The following EDIL3 variants were observed in gnomAD, a reference collection of about 807,000 sequenced individuals.
The protein encoded by EDIL3 is EGF-like repeat and discoidin I-like domain-containing protein 3.
EDIL3 carries 37 observed loss-of-function variants against 67.4 expected under a neutral mutation model. The observed-to-expected ratio is 0.55, with a 90% CI of 0.42 to 0.72. EDIL3 has a LOEUF of 0.72. Among genes scored for constraint, EDIL3 ranks in the 30% least tolerant of loss-of-function variants. EDIL3 has a pLI of 0.00. For missense variants in EDIL3, 527 were observed against 586.3 expected, an observed-to-expected ratio of 0.90 and a Z score of 1.04; for synonymous variants, 195 against 196.3, an observed-to-expected ratio of 0.99 and a Z score of 0.05.
intron 5 of EDIL3, among the ~76,000 whole-genome samples, chr5:84,129,502 G>A (rs555381040): frequency 1.3e-5 from 2 of 151,978 alleles, no homozygotes; most frequent in African/African-American, 4.8e-5. Flanking sequence ...AAAGGTATCA[G>A]CCTGAGGCAA....
At chr5:84,089,938 G>A (rs988924323) in intron 6 of EDIL3, among the ~76,000 whole-genome samples, 2 of 152,050 alleles carry the variant, frequency 1.3e-5, no homozygotes, top group Non-Finnish European at 2.9e-5. Flanking sequence ...ATGGATTTTC[G>A]ATGTTTTCAT....
Position 84,338,578 on chromosome 5 carries a change from T to C in EDIL3, c.67+45730A>G, listed in dbSNP as rs149083136. 2.0e-5 allele frequency among the ~76,000 whole-genome samples: 3 copies of C among 152,248 alleles called. No individual in the cohort carries two copies. The East Asian group carries it at 5.8e-4, about 29-fold the overall frequency. ...TTGAAGCTAGTACTGCCTTGGGACTTTAACTAGGAACTAACATGCTGTCAC... is the reference window on the plus strand; with the variant it reads ...TTGAAGCTAGTACTGCCTTGGGACTCTAACTAGGAACTAACATGCTGTCAC... On this transcript the variant is annotated intron_variant, in intron 1 of 10. Coordinates refer to ENST00000296591, the MANE Select transcript of EDIL3 (RefSeq NM_005711.5).
intron 1 of EDIL3, among the ~76,000 whole-genome samples, chr5:84,319,491 C>A (rs201284875): frequency 0.023 from 91 of 3,900 alleles, no homozygotes; most frequent in Non-Finnish European, 0.038. Flanking sequence ...AAACAAAAAA[C>A]AACAAAAAAA....
chr5:84,332,569 A>C (rs1746895145), intron 1 of EDIL3, among the ~76,000 whole-genome samples: 1 of 152,202 alleles, frequency 6.6e-6, no homozygotes, highest in Admixed American at 6.5e-5. Flanking sequence ...AGGTATGCAG[A>C]AGACATGTCA....
chr5:84,001,060 T>C (rs1176510068), intron 9 of EDIL3, among the ~76,000 whole-genome samples: 1 of 151,504 alleles, frequency 6.6e-6, no homozygotes, highest in African/African-American at 2.4e-5. Context: ...TTTTTATTTA[T>C]TTATTTTTGA....
chr5:84,137,236 C>A lies in EDIL3; in HGVS notation c.469+5G>T. On this transcript the variant is annotated splice_donor_5th_base_variant and intron_variant, in intron 5 of 10. Transcript: ENST00000296591. Reference sequence around the variant, plus strand: ...ACACACACATACACACACGTGAATACTTACTGTATTGACAATTTCTTCCCA... The same window carrying A: ...ACACACACATACACACACGTGAATAATTACTGTATTGACAATTTCTTCCCA... The A allele has an allele frequency of 6.3e-7, 1 of 1,596,318 alleles. No homozygotes were observed.
intron 3 of EDIL3, among the ~76,000 whole-genome samples, chr5:84,186,117 T>C (rs1413898787): frequency 1.3e-5 from 2 of 152,086 alleles, no homozygotes; most frequent in African/African-American, 2.4e-5. Flanking sequence ...GCTATTCATA[T>C]GAGAATTAGA....
At chr5:84,162,646 G>A (rs1010685910) in intron 4 of EDIL3, among the ~76,000 whole-genome samples, 1 of 152,074 alleles carries the variant, frequency 6.6e-6, no homozygotes, top group Non-Finnish European at 1.5e-5. Flanking sequence ...GGAGCACCAT[G>A]TTGATTGCAC....
intron 6 of EDIL3, among the ~76,000 whole-genome samples, chr5:84,099,079 C>A (rs1054843165): frequency 1.4e-4 from 22 of 152,018 alleles, no homozygotes; most frequent in African/African-American, 4.6e-4. Flanking sequence ...AACTACAAAC[C>A]ACTCCTCAAG....
chr5:84,240,205 T>C (rs1294194522), intron 2 of EDIL3, among the ~76,000 whole-genome samples: 1 of 152,114 alleles, frequency 6.6e-6, no homozygotes, highest in Non-Finnish European at 1.5e-5. Context: ...AATAAAACTG[T>C]AATAGAAAAA....
At chr5:84,157,135 G>T (rs1748507834) in intron 4 of EDIL3, among the ~76,000 whole-genome samples, 1 of 151,904 alleles carries the variant, frequency 6.6e-6, no homozygotes, top group Non-Finnish European at 1.5e-5. Flanking sequence ...TATTAAAAAT[G>T]TCAAGAGTAA....
intron 4 of EDIL3, among the ~76,000 whole-genome samples, chr5:84,163,563 G>A (rs1019353873): frequency 6.6e-6 from 1 of 151,930 alleles, no homozygotes; most frequent in Non-Finnish European, 1.5e-5. Flanking sequence ...AAAAAGTCAT[G>A]GATAGCTCAG....
At chr5:84,104,178 T>C (rs1005421206) in intron 6 of EDIL3, among the ~76,000 whole-genome samples, 6 of 151,888 alleles carry the variant, frequency 4.0e-5, no homozygotes, top group South Asian at 2.1e-4. Context: ...TGCTAAATGA[T>C]GGGAACACAC....
chr5:84,384,277 T>C (rs1748172396), intron 1 of EDIL3, 31 bp downstream of exon 1: 1 of 1,602,384 alleles, frequency 6.2e-7, no homozygotes, highest in Non-Finnish European at 8.5e-7. Context: ...AGCCCATCCC[T>C]CACCCAGCTG....
At chr5:84,104,244 A>G (rs1747418378) in intron 6 of EDIL3, among the ~76,000 whole-genome samples, 1 of 151,980 alleles carries the variant, frequency 6.6e-6, no homozygotes, top group East Asian at 1.9e-4. Context: ...GAAGGATGGG[A>G]GGAGGGAAAG....
At chr5:84,379,117 C>T (rs1046628975) in intron 1 of EDIL3, among the ~76,000 whole-genome samples, 3 of 151,982 alleles carry the variant, frequency 2.0e-5, no homozygotes, top group East Asian at 1.9e-4. Flanking sequence ...CACTGGAAAC[C>T]GACTATTTGG....
intron 5 of EDIL3, among the ~76,000 whole-genome samples, chr5:84,125,599 G>T (rs551315923): frequency 2.1e-4 from 32 of 152,106 alleles, no homozygotes; most frequent in Admixed American, 2.0e-3. Context: ...GTACCTTGAT[G>T]ATTTGAAACT....
intron 1 of EDIL3, among the ~76,000 whole-genome samples, chr5:84,305,076 A>T (rs1056922563): frequency 6.6e-6 from 1 of 152,228 alleles, no homozygotes; most frequent in African/African-American, 2.4e-5. Flanking sequence ...AAACTAACAG[A>T]ATAAAATCAA....
intron 2 of EDIL3, among the ~76,000 whole-genome samples, chr5:84,252,370 T>G (rs1745039197): frequency 1.3e-5 from 2 of 151,562 alleles, no homozygotes; most frequent in Admixed American, 1.3e-4. Context: ...GGCAGGCGCC[T>G]GTAGTCCCAG....
Sources: gnomAD v4.1 joint callset for allele counts (sites outside exome capture counted in the v4.1 genomes callset) on GRCh38, gnomAD v4.1.1 for gene constraint, MANE v1.5 for transcripts, NCBI Gene and HGNC (gene_info 2026-07-23, HGNC 2026-07-21) for gene names.